PTPRR: variants seen among roughly 807,000 people sequenced by gnomAD.
PTPRR encodes the protein protein tyrosine phosphatase receptor type R, also known as receptor-type tyrosine-protein phosphatase R.
Under a neutral mutation model 77.2 loss-of-function variants are expected in PTPRR, and 38 were observed. The ratio of observed to expected loss-of-function variants is 0.49; its 90% CI spans 0.38 to 0.65. The LOEUF (loss-of-function observed/expected upper bound fraction) is 0.65, where lower values mean the gene tolerates loss of function less well. Among genes scored for constraint, PTPRR ranks in the 30% least tolerant of loss-of-function variants. PTPRR has a pLI of 0.00. For missense variants in PTPRR, 744 were observed against 799.2 expected (o/e 0.93, Z 0.83); for synonymous variants, 299 against 283.1 (o/e 1.06, Z -0.57).
Position 70,639,142 on chromosome 12 carries a change from A to G in PTPRR, c.*42T>C. ...GAAGCCTTGGGTGGGTAATTTGATT[A>G]ATCACCCCAAGAGATTGATGGTCTG... On this transcript the variant is annotated 3_prime_UTR_variant, in exon 14 of 14. Transcript: ENST00000283228. 1 of 1,555,708 alleles carries G rather than the reference A, an allele frequency of 6.4e-7. No individual in the cohort carries two copies. Among genetic ancestry groups the G allele is most frequent in the Non-Finnish European group, 8.8e-7 (1 of 1,135,230 alleles).
chr12:70,849,456 T>C (rs1221109651), intron 2 of PTPRR, among the ~76,000 whole-genome samples: 1 of 152,188 alleles, frequency 6.6e-6, no homozygotes. Context: ...GAGTGGAGAT[T>C]GACAGTGGAT....
chr12:70,884,031 G>A (rs1272655966), intron 2 of PTPRR, among the ~76,000 whole-genome samples: 1 of 152,206 alleles, frequency 6.6e-6, no homozygotes, highest in African/African-American at 2.4e-5. Context: ...AGCTTTGGCT[G>A]TGACCTGTCT....
chr12:70,723,764 A>C (rs914363203), intron 6 of PTPRR, among the ~76,000 whole-genome samples: 15 of 152,186 alleles, frequency 9.9e-5, no homozygotes, highest in African/African-American at 3.6e-4. Flanking sequence ...TTAGCATTAA[A>C]TAACATTCTT....
chr12:70,686,305 G>A (rs1235756951), intron 8 of PTPRR, among the ~76,000 whole-genome samples: 2 of 152,114 alleles, frequency 1.3e-5, no homozygotes, highest in Admixed American at 6.5e-5. Context: ...ATTTAAATGG[G>A]AGCTAAAAAT....
In PTPRR at chr12:70,748,395, A is replaced by G. The variant is rs183501941; in HGVS notation, c.739-2309T>C. 3.3e-5 allele frequency among the ~76,000 whole-genome samples: 5 copies of G among 152,320 alleles called. No individual in the cohort carries two copies. The East Asian group carries it at 7.7e-4, about 24-fold the overall frequency. ...CTGCACAGATTGAGATCTGGAATAT[A>G]GCATATTCATATTTCTCTATGGGAA... On this transcript the variant is annotated intron_variant, in intron 5 of 13. Coordinates refer to ENST00000283228, the MANE Select transcript of PTPRR (RefSeq NM_002849.4).
intron 2 of PTPRR, among the ~76,000 whole-genome samples, chr12:70,785,675 C>G (rs1891305968): frequency 6.6e-6 from 1 of 151,912 alleles, no homozygotes. Flanking sequence ...ACTTCATGTC[C>G]ATTTATGCTT....
chr12:70,902,710 T>C (rs952001167), intron 1 of PTPRR, among the ~76,000 whole-genome samples: 11 of 151,612 alleles, frequency 7.3e-5, no homozygotes, highest in East Asian at 1.9e-4. Flanking sequence ...ATAAGAATGA[T>C]ACAATGGACT....
At chr12:70,834,473 A>T (rs570344673) in intron 2 of PTPRR, among the ~76,000 whole-genome samples, 2 of 152,156 alleles carry the variant, frequency 1.3e-5, no homozygotes, top group South Asian at 4.1e-4. Context: ...AAATTGGCTC[A>T]CTTTCTCAAA....
rs1491159450 is a variant in PTPRR at position 70,827,549 on chromosome 12, T to TTTC, written c.358-62772_358-62771insGAA. Reference sequence around the variant, plus strand: ...TCTTTTTTCTTTCTTTCTTTCTTTCTTTTTTTTTTTCTTTTTGACAGAGTC... The same window carrying TTTC: ...TCTTTTTTCTTTCTTTCTTTCTTTCTTTCTTTTTTTTTTCTTTTTGACAGAGTC... On this transcript the variant is annotated intron_variant, in intron 2 of 13. Transcript: ENST00000283228. 1.7e-4 allele frequency among the ~76,000 whole-genome samples: 17 copies of TTTC among 99,752 alleles called. No individual in the cohort carries two copies. In the South Asian group the frequency reaches 1.9e-3, roughly 11 times the overall value. The allele number at this position is 99,752 out of a possible 152,430, so 65.4% of individuals were successfully genotyped here.
chr12:70,760,821 A>G (rs1565685925), intron 4 of PTPRR, among the ~76,000 whole-genome samples: 1 of 152,160 alleles, frequency 6.6e-6, no homozygotes, highest in Non-Finnish European at 1.5e-5. Flanking sequence ...TGATCCTTTC[A>G]GTAGGTTTGT....
At chr12:70,894,721 G>A (rs1893397119) in intron 1 of PTPRR, among the ~76,000 whole-genome samples, 1 of 151,682 alleles carries the variant, frequency 6.6e-6, no homozygotes, top group African/African-American at 2.4e-5. Flanking sequence ...GAGATATCCT[G>A]TTCTGAATTC....
intron 12 of PTPRR, among the ~76,000 whole-genome samples, chr12:70,659,779 T>C (rs2136670609): frequency 6.6e-6 from 1 of 152,256 alleles, no homozygotes; most frequent in Admixed American, 6.5e-5. Flanking sequence ...GCTAAAATTA[T>C]ACTCTAAAAT....
chr12:70,769,392 A>T (rs1890912266), intron 2 of PTPRR, among the ~76,000 whole-genome samples: 1 of 152,104 alleles, frequency 6.6e-6, no homozygotes, highest in Non-Finnish European at 1.5e-5. Flanking sequence ...CCAAATCATG[A>T]GTGAACTCCC....
chr12:70,920,132 A>G (rs1183415316), intron 1 of PTPRR, among the ~76,000 whole-genome samples: 1 of 152,170 alleles, frequency 6.6e-6, no homozygotes, highest in African/African-American at 2.4e-5. Context: ...AAGAAAAATC[A>G]AGAGCTAATT....
intron 2 of PTPRR, among the ~76,000 whole-genome samples, chr12:70,866,302 A>G (rs1490443558): frequency 6.6e-6 from 1 of 152,186 alleles, no homozygotes; most frequent in Non-Finnish European, 1.5e-5. Flanking sequence ...ACTAATAAAG[A>G]AAAGAGAGAA....
Position 70,764,951 on chromosome 12 carries a change from G to C in PTPRR, c.358-173C>G, listed in dbSNP as rs141096317. ...ACTAATAATGCTTTATTGCATTTTT[G>C]ATAGAAATAAAATTATAGGAACATT... On this transcript the variant is annotated intron_variant, in intron 2 of 13. Coordinates refer to ENST00000283228, the MANE Select transcript of PTPRR (RefSeq NM_002849.4). Among the ~76,000 whole-genome samples the C allele has an allele frequency of 5.7e-3, 868 of 152,248 alleles. 10 individuals carry two copies. Among genetic ancestry groups the C allele is most frequent in the African/African-American group, 0.019 (809 of 41,536 alleles).
rs143690377 is a variant in PTPRR at position 70,671,339 on chromosome 12, T to C, written c.1498-8734A>G. On this transcript the variant is annotated intron_variant, in intron 10 of 13. Coordinates refer to ENST00000283228, the MANE Select transcript of PTPRR (RefSeq NM_002849.4). ...GAATAATAAAAAATAACAAAATTTT[T>C]ATTGTAATATTTGGGATTATGACTG... is the stretch of plus-strand genomic sequence containing the variant. Among the ~76,000 whole-genome samples the C allele has an allele frequency of 3.6e-3, 546 of 152,266 alleles. 8 individuals carry two copies. Among genetic ancestry groups the C allele is most frequent in the African/African-American group, 0.012 (502 of 41,566 alleles).
At chr12:70,823,530 G>T (rs1343464557) in intron 2 of PTPRR, among the ~76,000 whole-genome samples, 3 of 151,986 alleles carry the variant, frequency 2.0e-5, no homozygotes, top group Non-Finnish European at 2.9e-5. Flanking sequence ...GTTACTGTGT[G>T]TTTTTTTTGT....
intron 2 of PTPRR, among the ~76,000 whole-genome samples, chr12:70,790,503 A>G (rs531689869): frequency 2.0e-5 from 3 of 152,106 alleles, no homozygotes; most frequent in Admixed American, 1.3e-4. Flanking sequence ...TACAATGGAC[A>G]GCCCAATGCT....
Sources: allele counts gnomAD v4.1 joint callset (sites outside exome capture counted in the v4.1 genomes callset), GRCh38; gene constraint gnomAD v4.1.1; transcripts MANE v1.5; gene names NCBI Gene and HGNC (gene_info 2026-07-23, HGNC 2026-07-21).